KCNQ3: variants seen among roughly 807,000 people sequenced by gnomAD.
The protein encoded by KCNQ3 is potassium voltage-gated channel subfamily Q member 3.
In KCNQ3, 30 loss-of-function variants were observed where a neutral mutation model predicts 92.5. The ratio of observed to expected loss-of-function variants is 0.32; its 90% CI spans 0.24 to 0.44. KCNQ3 has a LOEUF of 0.44. Among genes scored for constraint, KCNQ3 ranks in the 20% least tolerant of loss-of-function variants. KCNQ3 has a pLI of 1.00. For missense variants in KCNQ3, 913 were observed against 1,140.3 expected, an observed-to-expected ratio of 0.80 and a Z score of 2.87; for synonymous variants, 450 against 468.8, an observed-to-expected ratio of 0.96 and a Z score of 0.52.
At chr8:132,345,412 A>C (rs1255339297) in intron 1 of KCNQ3, among the ~76,000 whole-genome samples, 1 of 152,140 alleles carries the variant, frequency 6.6e-6, no homozygotes, top group East Asian at 1.9e-4. Context: ...GTGAGAGCCT[A>C]CTCCGTGCAA....
rs930268385 is a variant in KCNQ3 at position 132,382,515 on chromosome 8, A to T, written c.386+97632T>A. On this transcript the variant is annotated intron_variant, in intron 1 of 14. Transcript: ENST00000388996. ...CAGCCTGCAGAATCATGAGTCAAAT[A>T]AACCTCTTGTCTCTATCAATTACCC... 2.5e-4 allele frequency among the ~76,000 whole-genome samples: 38 copies of T among 152,204 alleles called. 1 individual carries two copies. Among genetic ancestry groups the T allele is most frequent in the African/African-American group, 7.2e-4 (30 of 41,444 alleles).
intron 1 of KCNQ3, among the ~76,000 whole-genome samples, chr8:132,455,199 C>G (rs184803579): frequency 5.3e-5 from 8 of 152,154 alleles, no homozygotes; most frequent in African/African-American, 1.9e-4. Flanking sequence ...CTCCACCCCT[C>G]GGGTTCAAGT....
intron 1 of KCNQ3, among the ~76,000 whole-genome samples, chr8:132,280,388 G>A (rs537848489): frequency 1.4e-4 from 22 of 152,304 alleles, no homozygotes; most frequent in African/African-American, 4.8e-4. Flanking sequence ...TTTTACTCAC[G>A]GCAGAAAGCG....
At chr8:132,308,725 C>T (rs1175391722) in intron 1 of KCNQ3, among the ~76,000 whole-genome samples, 2 of 152,152 alleles carry the variant, frequency 1.3e-5, no homozygotes, top group Non-Finnish European at 2.9e-5. Flanking sequence ...TTTATTTGCT[C>T]ATGTAATTCT....
rs146920491 is a variant in KCNQ3, at chr8:132,201,723, A to G, written c.387-15542T>C. 4.9e-3 allele frequency among the ~76,000 whole-genome samples: 745 copies of G among 152,078 alleles called. 2 individuals carry two copies. The highest frequency in any genetic ancestry group is 8.6e-3 in the Non-Finnish European group (585 of 67,970). On this transcript the variant is annotated intron_variant, in intron 1 of 14. Coordinates refer to ENST00000388996, the MANE Select transcript of KCNQ3 (RefSeq NM_004519.4). The stretch of plus-strand genomic sequence containing the variant: ...GGCCCCTATGTCTTTGCTGCACTCA[A>G]TCCATCCAGCAGCTCTCCCAGGTTA...
chr8:132,373,989 G>T (rs1369413370), intron 1 of KCNQ3, among the ~76,000 whole-genome samples: 1 of 152,112 alleles, frequency 6.6e-6, no homozygotes, highest in African/African-American at 2.4e-5. Flanking sequence ...CCCCCAGGGT[G>T]CATGTTCTCC....
chr8:132,479,272 G>A (rs1187378496), intron 1 of KCNQ3, among the ~76,000 whole-genome samples: 1 of 152,126 alleles, frequency 6.6e-6, no homozygotes, highest in African/African-American at 2.4e-5. Context: ...CATCGGACTA[G>A]CAAGGAGATT....
intron 1 of KCNQ3, among the ~76,000 whole-genome samples, chr8:132,322,871 T>C (rs534519899): frequency 6.6e-6 from 1 of 152,314 alleles, no homozygotes; most frequent in East Asian, 1.9e-4. Flanking sequence ...CATCTGAGAA[T>C]AGAGAGCTCC....
chr8:132,410,368 A>G (rs1242328676), intron 1 of KCNQ3, among the ~76,000 whole-genome samples: 1 of 152,220 alleles, frequency 6.6e-6, no homozygotes, highest in African/African-American at 2.4e-5. Context: ...AGAATTTGGA[A>G]CAAGATAATC....
rs545670937 is a variant in KCNQ3, at chr8:132,194,226, C to T, written c.387-8045G>A. On this transcript the variant is annotated intron_variant, in intron 1 of 14. Coordinates refer to ENST00000388996, the MANE Select transcript of KCNQ3 (RefSeq NM_004519.4). ...ATTGTCTAAAAGACAGGCATTGTTA[C>T]GTCATAGTTAGCTGCACTTGTCCTA... Among the ~76,000 whole-genome samples the T allele has an allele frequency of 9.8e-5, 15 of 152,292 alleles. No individual in the cohort carries two copies. The South Asian group carries it at 2.5e-3, about 25-fold the overall frequency.
Position 132,453,497 on chromosome 8 carries a change from T to G in KCNQ3, c.386+26650A>C, listed in dbSNP as rs1289900421. On this transcript the variant is annotated intron_variant, in intron 1 of 14. Transcript: ENST00000388996. ...AGACTCTGTGTATCTTCGGCTGTTC[T>G]TACAGTAGAGCCTGGGGCCTAAAAC... Among the ~76,000 whole-genome samples the G allele has an allele frequency of 2.0e-5, 3 of 152,148 alleles. No homozygotes were observed. The South Asian group carries it at 6.2e-4, about 32-fold the overall frequency.
At chr8:132,251,935 TTCTTC>T (rs1400394401) in intron 1 of KCNQ3, among the ~76,000 whole-genome samples, 1 of 152,234 alleles carries the variant, frequency 6.6e-6, no homozygotes, top group African/African-American at 2.4e-5. Flanking sequence ...GATGAAAGTA[TTCTTC>T]TCTTAAGTCC....
At chr8:132,135,854 T>G (rs1318866127) in intron 12 of KCNQ3, among the ~76,000 whole-genome samples, 1 of 151,862 alleles carries the variant, frequency 6.6e-6, no homozygotes, top group African/African-American at 2.4e-5. Flanking sequence ...GCCTGCTGGG[T>G]GCAGTGGCTG....
chr8:132,329,266 C>T (rs1170416287), intron 1 of KCNQ3, among the ~76,000 whole-genome samples: 2 of 152,158 alleles, frequency 1.3e-5, no homozygotes, highest in Non-Finnish European at 2.9e-5. Flanking sequence ...GGGTGAGGCA[C>T]CCCCAAGTGC....
At chr8:132,313,096 C>T (rs570711199) in intron 1 of KCNQ3, among the ~76,000 whole-genome samples, 3 of 152,314 alleles carry the variant, frequency 2.0e-5, no homozygotes, top group South Asian at 4.1e-4. Flanking sequence ...CAGCAATCCA[C>T]GTAACCCTGC....
Position 132,331,866 on chromosome 8 carries a change from G to C in KCNQ3, c.387-145685C>G, listed in dbSNP as rs187558912. 1.6e-3 allele frequency among the ~76,000 whole-genome samples: 251 copies of C among 152,294 alleles called. 3 individuals carry two copies. The highest frequency in any genetic ancestry group is 0.015 in the Admixed American group (228 of 15,294). On this transcript the variant is annotated intron_variant, in intron 1 of 14. Transcript: ENST00000388996. ...AGATGAAGAGTGACTGGAGAACTCCGAAGCAGTCCAGAAGTCTCAAGAGAT... is the reference window on the plus strand; with the variant it reads ...AGATGAAGAGTGACTGGAGAACTCCCAAGCAGTCCAGAAGTCTCAAGAGAT...
Position 132,153,661 on chromosome 8 carries a change from AG to A in KCNQ3, c.1262+9806del, listed in dbSNP as rs369987767. Among the ~76,000 whole-genome samples the A allele has an allele frequency of 7.3e-3, 1,117 of 152,244 alleles. 15 individuals carry two copies. The highest frequency in any genetic ancestry group is 0.026 in the African/African-American group (1,068 of 41,536). On this transcript the variant is annotated intron_variant, in intron 9 of 14. Coordinates refer to ENST00000388996, the MANE Select transcript of KCNQ3 (RefSeq NM_004519.4). ...AGTATTCATGGCATAAATGAGGTCT[AG>A]GTAATTCAAGGCTGTTGACAGCAGG...
At chr8:132,479,515 C>T (rs1822493421) in intron 1 of KCNQ3, among the ~76,000 whole-genome samples, 1 of 152,066 alleles carries the variant, frequency 6.6e-6, no homozygotes, top group African/African-American at 2.4e-5. Flanking sequence ...CATTCACTTC[C>T]CTAAAAGGAA....
intron 1 of KCNQ3, among the ~76,000 whole-genome samples, chr8:132,431,406 C>T (rs1677585507): frequency 6.6e-6 from 1 of 152,178 alleles, no homozygotes; most frequent in African/African-American, 2.4e-5. Context: ...ATCCAGATTC[C>T]ACCTCCTCAG....
Sources: allele counts gnomAD v4.1 joint callset (sites outside exome capture counted in the v4.1 genomes callset), GRCh38; gene constraint gnomAD v4.1.1; transcripts MANE v1.5; gene names NCBI Gene and HGNC (gene_info 2026-07-23, HGNC 2026-07-21).